MYO1E: variants seen among roughly 807,000 people sequenced by gnomAD.
MYO1E encodes the protein myosin IE, also known as unconventional myosin-Ie.
In MYO1E, 68 loss-of-function variants were observed where a neutral mutation model predicts 151.1. The ratio of observed to expected loss-of-function variants is 0.45; its 90% CI spans 0.37 to 0.55. MYO1E has a LOEUF of 0.55. Among genes scored for constraint, MYO1E ranks in the 20% least tolerant of loss-of-function variants. MYO1E has a pLI of 0.00. For missense variants in MYO1E, 1,363 were observed against 1,389.3 expected (o/e 0.98, Z 0.30); for synonymous variants, 601 against 501.7 (o/e 1.20, Z -2.64).
At chr15:59,233,176 G>A (rs2080038888) in intron 5 of MYO1E, among the ~76,000 whole-genome samples, 1 of 152,014 alleles carries the variant, frequency 6.6e-6, no homozygotes, top group Non-Finnish European at 1.5e-5. Context: ...CTCTCAGGAA[G>A]AGAACAAAAG....
chr15:59,310,113 A>G (rs1475533153), intron 1 of MYO1E, among the ~76,000 whole-genome samples: 2 of 152,124 alleles, frequency 1.3e-5, no homozygotes, highest in Non-Finnish European at 2.9e-5. Context: ...CCTTCCCTTC[A>G]TAATTACTTA....
chr15:59,357,860 C>G (rs1159829687), intron 1 of MYO1E, among the ~76,000 whole-genome samples: 2 of 152,020 alleles, frequency 1.3e-5, no homozygotes, highest in Non-Finnish European at 2.9e-5. Flanking sequence ...CAGCCAGACA[C>G]AAGCTGAAGA....
chr15:59,238,447 G>GT (rs1411799005), intron 4 of MYO1E, among the ~76,000 whole-genome samples: 1 of 152,236 alleles, frequency 6.6e-6, no homozygotes, highest in East Asian at 1.9e-4. Context: ...TGCAGCCTAA[G>GT]TTAAGTGGTA....
At chr15:59,193,587 A>C (rs2079747455) in intron 17 of MYO1E, among the ~76,000 whole-genome samples, 1 of 152,180 alleles carries the variant, frequency 6.6e-6, no homozygotes, top group South Asian at 2.1e-4. Context: ...GAGAGGGATT[A>C]ACCTGTAGAA....
chr15:59,173,224 T>A (rs2079605892), intron 21 of MYO1E, among the ~76,000 whole-genome samples: 1 of 152,248 alleles, frequency 6.6e-6, no homozygotes, highest in Admixed American at 6.5e-5. Context: ...TCCTATCAAT[T>A]TCTTCTAAAA....
intron 1 of MYO1E, among the ~76,000 whole-genome samples, chr15:59,326,600 G>A (rs1393489090): frequency 6.6e-6 from 1 of 152,136 alleles, no homozygotes. Context: ...ATGTCGTATC[G>A]ACACGTGATA....
At chr15:59,230,416 A>C (rs1213440439) in intron 6 of MYO1E, among the ~76,000 whole-genome samples, 2 of 152,182 alleles carry the variant, frequency 1.3e-5, no homozygotes, top group Non-Finnish European at 1.5e-5. Context: ...AATCAATGAA[A>C]ATATCAATTT....
intron 18 of MYO1E, among the ~76,000 whole-genome samples, chr15:59,185,057 T>C (rs745497345): frequency 6.6e-6 from 1 of 152,228 alleles, no homozygotes; most frequent in Non-Finnish European, 1.5e-5. Flanking sequence ...CACGTTTTCA[T>C]ATGCCTGTCT....
intron 1 of MYO1E, among the ~76,000 whole-genome samples, chr15:59,326,889 C>A (rs543546074): frequency 6.6e-6 from 1 of 152,170 alleles, no homozygotes; most frequent in Non-Finnish European, 1.5e-5. Context: ...CCAAGACCTG[C>A]CCCCTGCCCC....
chr15:59,207,032 G>T lies in MYO1E; in HGVS notation c.1531-1547C>A, dbSNP rs555090169. ...TGCCTGGGGATGGCCCTGTGTCCGC[G>T]TCAAGCAACGCGCATCCCGCTCAAC... On this transcript the variant is annotated intron_variant, in intron 14 of 27. Coordinates refer to ENST00000288235, the MANE Select transcript of MYO1E (RefSeq NM_004998.4). 15 of 1,614,246 alleles carry T rather than the reference G, an allele frequency of 9.3e-6. No homozygotes were observed. The East Asian group carries it at 1.6e-4, about 17-fold the overall frequency.
chr15:59,155,829 A>G (rs1407070845), intron 25 of MYO1E, among the ~76,000 whole-genome samples: 5 of 144,044 alleles, frequency 3.5e-5, no homozygotes, highest in Admixed American at 7.0e-5. Context: ...CAATGGTGAG[A>G]TTCCAGAGAC....
chr15:59,232,165 CT>C (rs2080032270), intron 5 of MYO1E, among the ~76,000 whole-genome samples: 1 of 152,196 alleles, frequency 6.6e-6, no homozygotes, highest in Admixed American at 6.5e-5. Context: ...CTCACTACCC[CT>C]TCCCAACTAC....
At chr15:59,143,213 G>C (rs556069208) in intron 26 of MYO1E, among the ~76,000 whole-genome samples, 1 of 152,212 alleles carries the variant, frequency 6.6e-6, no homozygotes, top group Non-Finnish European at 1.5e-5. Context: ...CATGCTGGCA[G>C]TGTAAGCCAT....
chr15:59,257,711 G>A (rs185395393), intron 3 of MYO1E, among the ~76,000 whole-genome samples: 1 of 152,220 alleles, frequency 6.6e-6, no homozygotes, highest in African/African-American at 2.4e-5. Flanking sequence ...GCTGTAGGCA[G>A]GGGGCTCATA....
intron 1 of MYO1E, among the ~76,000 whole-genome samples, chr15:59,333,134 A>T (rs1160756455): frequency 6.6e-6 from 1 of 152,216 alleles, no homozygotes. Flanking sequence ...CCACTAAGAA[A>T]TGTCACATTT....
At chr15:59,161,880 T>A (rs560779097) in intron 23 of MYO1E, among the ~76,000 whole-genome samples, 2 of 151,262 alleles carry the variant, frequency 1.3e-5, no homozygotes, top group Non-Finnish European at 3.0e-5. Flanking sequence ...TTTTCTGATA[T>A]CATAAGAAGG....
intron 1 of MYO1E, among the ~76,000 whole-genome samples, chr15:59,296,608 C>T (rs774073543): frequency 6.6e-6 from 1 of 152,138 alleles, no homozygotes; most frequent in Admixed American, 6.5e-5. Flanking sequence ...GCACTGTCCA[C>T]ATCAACTGGA....
intron 19 of MYO1E, among the ~76,000 whole-genome samples, chr15:59,177,039 T>C (rs1427393987): frequency 2.0e-5 from 3 of 152,176 alleles, no homozygotes; most frequent in Non-Finnish European, 2.9e-5. Context: ...TAATTATATA[T>C]GAAAACCTCA....
At chr15:59,260,642 G>T (rs1437543355) in intron 3 of MYO1E, among the ~76,000 whole-genome samples, 1 of 152,144 alleles carries the variant, frequency 6.6e-6, no homozygotes, top group Admixed American at 6.5e-5. Context: ...TGGCTATGGA[G>T]CTGATTATGA....
Sources: gnomAD v4.1 joint callset for allele counts (sites outside exome capture counted in the v4.1 genomes callset) on GRCh38, gnomAD v4.1.1 for gene constraint, MANE v1.5 for transcripts, NCBI Gene and HGNC (gene_info 2026-07-23, HGNC 2026-07-21) for gene names.